STAT5A: variants seen among roughly 807,000 people sequenced by gnomAD.
The protein encoded by STAT5A is signal transducer and activator of transcription 5A.
A neutral mutation model predicts 100.2 loss-of-function variants in STAT5A; 26 were observed. That is an observed-to-expected ratio of 0.26 (90% CI 0.19 to 0.36). STAT5A has a LOEUF of 0.36. Ranked by LOEUF, STAT5A falls within the 10% of genes least tolerant of loss-of-function variation. The pLI, the probability that STAT5A is intolerant of heterozygous loss-of-function variation, is 1.00. For synonymous variants in STAT5A, 330 were observed against 424.3 expected (o/e 0.78, Z 2.73); for missense variants, 634 against 1,027.5 (o/e 0.62, Z 5.24).
chr17:42,310,658 TC>T lies in STAT5A; in HGVS notation c.2377del (p.Leu793SerfsTer23). ...CGGTCTTTTCACCTCTGCCAGAGGC[TC>T]CCTCTCATGAATGTTTGAATCCCAC... ...PAGLFTSARG[S>X]LS On this transcript the variant is annotated frameshift_variant, in exon 19 of 19. Transcript: ENST00000590949. LOFTEE classifies it high-confidence loss of function. 6.2e-7 allele frequency: 1 copy of T among 1,614,144 alleles called. No homozygotes were observed. Among genetic ancestry groups the T allele is most frequent in the South Asian group, 1.1e-5 (1 of 91,088 alleles).
At position 42,300,708 on chromosome 17, in the gene STAT5A, C is replaced by G; in HGVS notation, c.834-7C>G. ...GTCCTCCTGTTGGCCTTGGGGCTCT[C>G]GTGCAGGTGTGAGAAGTTGGCCGAG... On this transcript the variant is annotated splice_region_variant and splice_polypyrimidine_tract_variant and intron_variant, in intron 7 of 18. Transcript: ENST00000590949. 1.9e-6 allele frequency: 3 copies of G among 1,613,716 alleles called. No individual in the cohort carries two copies. The highest frequency in any genetic ancestry group is 1.7e-6 in the Non-Finnish European group (2 of 1,179,820).
Position 42,304,190 on chromosome 17 carries a change from C to G in STAT5A, c.1170-152C>G, listed in dbSNP as rs1006636277. On this transcript the variant is annotated intron_variant, in intron 9 of 18. Transcript: ENST00000590949. This position sits in a 1 kb window ranked among gnomAD's most constrained non-coding sequence, Gnocchi z 4.8. ...ACCAGGTTGATGGAGAAGTCAGTAA[C>G]CCAGAAAGACGCCAAGAAACACTCT... is the stretch of plus-strand genomic sequence containing the variant. 24 of 697,952 alleles carry G rather than the reference C, an allele frequency of 3.4e-5. No individual in the cohort carries two copies. In the East Asian group the frequency reaches 5.2e-4, roughly 15 times the overall value. 43.2% of individuals were successfully genotyped at this position (697,952 alleles called of 1,614,324 possible).
chr17:42,306,066 A>G (rs2081026040), intron 12 of STAT5A, 175 bp from the exon 13 acceptor site: 3 of 1,148,158 alleles, frequency 2.6e-6, no homozygotes, highest in Non-Finnish European at 2.5e-6. Context: ...GCAGGCTGGG[A>G]AAAAAAGTGC....
Position 42,292,036 on chromosome 17 carries a change from A to G in STAT5A, c.350A>G (p.Gln117Arg). Reference protein sequence around the residue: ...RCIRHILYNEQRLVREANNCS... With the variant: ...RCIRHILYNERRLVREANNCS... ...ATCCGGCACATTCTGTACAATGAACAGAGGCTGGTCCGAGAAGCCAACAAT... is the reference window on the plus strand; with the variant it reads ...ATCCGGCACATTCTGTACAATGAACGGAGGCTGGTCCGAGAAGCCAACAAT... The change falls in exon 4 of 19, where the codon CAG (glutamine) becomes CGG (arginine). Residue 117 changes from glutamine to arginine, a missense_variant. Gln to Arg is a conservative substitution (Grantham distance 43). Around this residue, in one of 5 missense-constraint regions of STAT5A, gnomAD observed 207 missense variants for 256.6 expected, o/e 0.81. Transcript: ENST00000590949. 6.2e-7 allele frequency: 1 copy of G among 1,614,048 alleles called. No individual in the cohort carries two copies. Among genetic ancestry groups the G allele is most frequent in the Non-Finnish European group, 8.5e-7 (1 of 1,179,914 alleles).
chr17:42,305,275 G>T (rs547194754), intron 11 of STAT5A, among the ~76,000 whole-genome samples: 46 of 152,160 alleles, frequency 3.0e-4, no homozygotes, highest in African/African-American at 1.1e-3. Flanking sequence ...GGCCAAGGAG[G>T]GTGGATCACC....
intron 3 of STAT5A, 126 bp downstream of exon 3, chr17:42,290,148 T>C: frequency 7.7e-7 from 1 of 1,294,678 alleles, no homozygotes; most frequent in South Asian, 1.8e-5. Context: ...TGGGAACTTT[T>C]CTTCGATTTC....
chr17:42,295,823 G>A (rs376675481), intron 5 of STAT5A, 30 bp downstream of exon 5: 1,176 of 1,609,572 alleles, frequency 7.3e-4, no homozygotes, highest in Non-Finnish European at 9.7e-4. Context: ...GTGTGCATCC[G>A]GAGGGTGGGA....
chr17:42,305,186 C>T (rs1020666169), intron 11 of STAT5A, among the ~76,000 whole-genome samples: 3 of 151,880 alleles, frequency 2.0e-5, no homozygotes, highest in African/African-American at 7.3e-5. Context: ...GGCGACCGAG[C>T]GAGACCCTGT....
chr17:42,290,907 A>G (rs2080863129), intron 3 of STAT5A, among the ~76,000 whole-genome samples: 1 of 151,982 alleles, frequency 6.6e-6, no homozygotes, highest in African/African-American at 2.4e-5. Flanking sequence ...ATGGAAGACA[A>G]TTTTTCCATG....
In STAT5A at chr17:42,300,652, T is replaced by TG; in HGVS notation, c.834-59dup. On this transcript the variant is annotated intron_variant, in intron 7 of 18. Coordinates refer to ENST00000590949, the MANE Select transcript of STAT5A (RefSeq NM_001288718.2). ...TCCTGGGGGAACGGGAGCTGTGTCT[T>TG]GGGGCCTGGCGTCTGTGAGGAGAAG... is the stretch of plus-strand genomic sequence containing the variant. The TG allele has an allele frequency of 1.9e-6, 3 of 1,613,218 alleles. No homozygotes were observed. The Admixed American group carries it at 5.0e-5, about 27-fold the overall frequency.
At chr17:42,300,611 C>T (rs1245355842) in intron 7 of STAT5A, 104 bp from the exon 8 acceptor site, 18 of 1,524,994 alleles carry the variant, frequency 1.2e-5, no homozygotes, top group East Asian at 9.4e-5. Flanking sequence ...GGAAGTGTGG[C>T]GAAAGCACAG....
At chr17:42,297,502 C>G (rs1420424368) in intron 5 of STAT5A, among the ~76,000 whole-genome samples, 1 of 151,956 alleles carries the variant, frequency 6.6e-6, no homozygotes, top group Non-Finnish European at 1.5e-5. Flanking sequence ...CAAGTTCACT[C>G]AGCAGAAACA....
intron 7 of STAT5A, 36 bp downstream of exon 7, chr17:42,300,317 G>A: frequency 6.3e-7 from 1 of 1,591,352 alleles, no homozygotes; most frequent in South Asian, 1.1e-5. Context: ...CAGGGCAGGA[G>A]GGGCTGGTGG....
intron 5 of STAT5A, among the ~76,000 whole-genome samples, chr17:42,297,627 G>A (rs1442701757): frequency 6.6e-6 from 1 of 151,810 alleles, no homozygotes; most frequent in East Asian, 1.9e-4. Flanking sequence ...TTCCAGGAGA[G>A]CCCTAAGTGG....
rs1202603599 is a variant in STAT5A at position 42,311,827 on chromosome 17, A to C, written c.*1158A>C. ...GCTGACCATGGAAGATTGAGAGCCC[A>C]AGGTTTAAACTTCTCTGAAGGGAGG... On this transcript the variant is annotated 3_prime_UTR_variant, in exon 19 of 19. Transcript: ENST00000590949. The C allele has an allele frequency of 6.5e-6, 1 of 152,772 alleles. No individual in the cohort carries two copies. Among genetic ancestry groups the C allele is most frequent in the Non-Finnish European group, 1.5e-5 (1 of 68,068 alleles). The allele number at this position is 152,772 out of a possible 1,614,324, so 9.5% of individuals were successfully genotyped here.
intron 5 of STAT5A, 100 bp downstream of exon 5, chr17:42,295,893 C>A: frequency 6.6e-7 from 1 of 1,526,146 alleles, no homozygotes; most frequent in Non-Finnish European, 8.8e-7. Context: ...ATCTCCTCAG[C>A]ACTTTGCCCA....
intron 12 of STAT5A, 120 bp downstream of exon 12, chr17:42,305,822 T>G: frequency 9.4e-7 from 1 of 1,067,492 alleles, no homozygotes; most frequent in Non-Finnish European, 1.4e-6. Flanking sequence ...AGCCCAGAGG[T>G]GAGGTGAGGC....
chr17:42,304,221 G>T lies in STAT5A; in HGVS notation c.1170-121G>T. On this transcript the variant is annotated intron_variant, in intron 9 of 18. Coordinates refer to ENST00000590949, the MANE Select transcript of STAT5A (RefSeq NM_001288718.2). This position sits in a 1 kb window ranked among gnomAD's most constrained non-coding sequence, Gnocchi z 4.8. ...AAGACGCCAAGAAACACTCTTAGGGGATACGGGGCAGGGGCTGCTGGCAGG... is the reference window on the plus strand; with the variant it reads ...AAGACGCCAAGAAACACTCTTAGGGTATACGGGGCAGGGGCTGCTGGCAGG... 1 of 874,058 alleles carries T rather than the reference G, an allele frequency of 1.1e-6. No individual in the cohort carries two copies. The highest frequency in any genetic ancestry group is 2.3e-5 in the Admixed American group (1 of 44,198). 54.1% of individuals were successfully genotyped at this position (874,058 alleles called of 1,614,324 possible).
At chr17:42,289,796 A>G (rs1224116507) in intron 2 of STAT5A, 70 bp from the exon 3 acceptor site, 2 of 1,449,264 alleles carry the variant, frequency 1.4e-6, no homozygotes, top group Non-Finnish European at 1.8e-6. Context: ...TTTCCACTTT[A>G]TTCCAGCTCC....
Sources: gnomAD v4.1 joint callset for allele counts (sites outside exome capture counted in the v4.1 genomes callset) on GRCh38, gnomAD v4.1.1 for gene constraint, gnomAD v4.1.1 regional missense constraint, Gnocchi (gnomAD v3.1) non-coding constraint, MANE v1.5 for transcripts, NCBI Gene and HGNC (gene_info 2026-07-23, HGNC 2026-07-21) for gene names.